Variants in SPTLC2 observed in about 807,000 individuals in gnomAD.
SPTLC2 encodes the protein serine palmitoyltransferase long chain base subunit 2, also known as serine palmitoyltransferase 2.
Under a neutral mutation model 62.0 loss-of-function variants are expected in SPTLC2, and 21 were observed. The ratio of observed to expected loss-of-function variants is 0.34; its 90% confidence interval spans 0.24 to 0.49. SPTLC2 has a LOEUF of 0.49. SPTLC2 is among the 20% of genes least tolerant of loss of function. SPTLC2 has a pLI of 0.99. For synonymous variants in SPTLC2, 261 were observed against 261.8 expected (o/e 1.00, Z 0.03); for missense variants, 511 against 713.0 (o/e 0.72, Z 3.23).
chr14:77,546,800 A>C (rs1194110270), intron 9 of SPTLC2, among the ~76,000 whole-genome samples: 1 of 151,686 alleles, frequency 6.6e-6, no homozygotes, highest in East Asian at 1.9e-4. Context: ...TAATGGCGCG[A>C]TCTCAGCTCA....
chr14:77,531,165 C>T (rs1404144661), intron 9 of SPTLC2, among the ~76,000 whole-genome samples: 1 of 152,198 alleles, frequency 6.6e-6, no homozygotes, highest in African/African-American at 2.4e-5. Flanking sequence ...CAACCATTTC[C>T]AGAGTTTCTC....
intron 1 of SPTLC2, among the ~76,000 whole-genome samples, chr14:77,609,164 T>C (rs567132048): frequency 6.6e-6 from 1 of 152,182 alleles, no homozygotes; most frequent in Non-Finnish European, 1.5e-5. Context: ...CATGTTTAAG[T>C]AGTTCTCCAA....
At chr14:77,579,409 A>G (rs185383252) in intron 2 of SPTLC2, among the ~76,000 whole-genome samples, 46 of 152,208 alleles carry the variant, frequency 3.0e-4, no homozygotes, top group Non-Finnish European at 1.9e-4. Flanking sequence ...TTCCATTTTC[A>G]TACTGTAAGA....
chr14:77,521,652 C>A (rs752596063), intron 9 of SPTLC2, 71 bp from the exon 10 acceptor site: 9 of 1,355,884 alleles, frequency 6.6e-6, no homozygotes, highest in Non-Finnish European at 9.4e-6. Context: ...CAGTAAATCT[C>A]CTCTATCTCC....
chr14:77,609,664 G>T (rs896775283), intron 1 of SPTLC2, among the ~76,000 whole-genome samples: 1 of 152,136 alleles, frequency 6.6e-6, no homozygotes, highest in Admixed American at 6.5e-5. Context: ...TTGAACCAGT[G>T]GGGTGGAGGT....
intron 9 of SPTLC2, among the ~76,000 whole-genome samples, chr14:77,537,711 T>C (rs991096237): frequency 1.3e-5 from 2 of 152,214 alleles, no homozygotes; most frequent in Non-Finnish European, 2.9e-5. Context: ...TGTCCTTGGG[T>C]AAGCAACTTA....
At chr14:77,516,722 A>G (rs78208947) in intron 11 of SPTLC2, among the ~76,000 whole-genome samples, 1,716 of 152,364 alleles carry the variant, frequency 0.011, 35 homozygotes, top group African/African-American at 0.039. Flanking sequence ...CACTGTGCCT[A>G]TAGTTAACAA....
At chr14:77,565,745 C>T (rs1352415712) in intron 5 of SPTLC2, among the ~76,000 whole-genome samples, 4 of 152,106 alleles carry the variant, frequency 2.6e-5, no homozygotes, top group Non-Finnish European at 4.4e-5. Flanking sequence ...GATCCTGAAG[C>T]GGAAAAACTG....
intron 11 of SPTLC2, among the ~76,000 whole-genome samples, chr14:77,513,208 G>A (rs760329593): frequency 6.6e-5 from 10 of 151,518 alleles, no homozygotes; most frequent in Non-Finnish European, 1.0e-4. Flanking sequence ...TCCAGACAGG[G>A]TTTTGCCATG....
At chr14:77,601,612 G>A (rs1033033201) in intron 1 of SPTLC2, among the ~76,000 whole-genome samples, 6 of 152,104 alleles carry the variant, frequency 3.9e-5, no homozygotes, top group Admixed American at 1.3e-4. Context: ...GGACTCCTTC[G>A]GGAGACCAGT....
intron 6 of SPTLC2, among the ~76,000 whole-genome samples, chr14:77,557,724 CTG>C (rs1225225333): frequency 1.3e-5 from 2 of 152,152 alleles, no homozygotes; most frequent in African/African-American, 4.8e-5. Flanking sequence ...ATGTATAAGT[CTG>C]TGTGTTAAGC....
At chr14:77,566,053 A>G (rs1368571173) in intron 5 of SPTLC2, among the ~76,000 whole-genome samples, 1 of 152,202 alleles carries the variant, frequency 6.6e-6, no homozygotes. Flanking sequence ...CTATCTTAAA[A>G]AGAACCCTCC....
intron 7 of SPTLC2, among the ~76,000 whole-genome samples, chr14:77,556,631 G>A (rs572532226): frequency 4.6e-5 from 7 of 152,048 alleles, no homozygotes; most frequent in South Asian, 4.2e-4. Flanking sequence ...GGCCTCGAGC[G>A]ACCTCCCACT....
intron 8 of SPTLC2, 144 bp from the exon 9 acceptor site, chr14:77,552,366 C>T: frequency 1.9e-6 from 2 of 1,026,702 alleles, no homozygotes; most frequent in Non-Finnish European, 2.9e-6. Flanking sequence ...GGTCAACCAA[C>T]ATGGTCGAAG....
chr14:77,584,989 C>T (rs936526798), intron 2 of SPTLC2, among the ~76,000 whole-genome samples: 3 of 152,322 alleles, frequency 2.0e-5, no homozygotes, highest in Admixed American at 1.3e-4. Context: ...GGCACCAGCG[C>T]GATTCTATGT....
chr14:77,562,529 G>C (rs748342740), intron 5 of SPTLC2, 40 bp from the exon 6 acceptor site: 2 of 1,552,402 alleles, frequency 1.3e-6, no homozygotes, highest in Non-Finnish European at 1.8e-6. Flanking sequence ...AAGCTGGAGG[G>C]GAAAGGGTTA....
intron 9 of SPTLC2, among the ~76,000 whole-genome samples, chr14:77,529,062 G>A (rs1021313114): frequency 3.3e-5 from 5 of 151,576 alleles, no homozygotes; most frequent in African/African-American, 7.3e-5. Flanking sequence ...GGTCTTGAAC[G>A]TCTGACCTCA....
intron 11 of SPTLC2, among the ~76,000 whole-genome samples, chr14:77,517,463 C>T (rs574562112): frequency 6.6e-6 from 1 of 151,928 alleles, no homozygotes; most frequent in East Asian, 1.9e-4. Context: ...AATAATGATC[C>T]CCAACTAGAT....
intron 4 of SPTLC2, among the ~76,000 whole-genome samples, chr14:77,573,626 T>C (rs940036064): frequency 5.9e-5 from 9 of 151,956 alleles, no homozygotes; most frequent in Non-Finnish European, 1.3e-4. Context: ...CAGAAGACAA[T>C]GCTGTTTTTT....
Sources: gnomAD v4.1 joint callset for allele counts (sites outside exome capture counted in the v4.1 genomes callset) on GRCh38, gnomAD v4.1.1 for gene constraint, MANE v1.5 for transcripts, NCBI Gene and HGNC (gene_info 2026-07-23, HGNC 2026-07-21) for gene names.